INPP5D: variants seen among roughly 807,000 people sequenced by gnomAD.
INPP5D encodes the protein inositol polyphosphate-5-phosphatase D.
Under a neutral mutation model 122.9 loss-of-function variants are expected in INPP5D, and 33 were observed. The observed-to-expected ratio is 0.27, with a 90% CI of 0.20 to 0.36. The LOEUF (loss-of-function observed/expected upper bound fraction) is 0.36, where lower values mean the gene tolerates loss of function less well. INPP5D is among the 10% of genes least tolerant of loss of function. The pLI is 1.00. For missense variants in INPP5D, 1,053 were observed against 1,412.7 expected (o/e 0.75, Z 4.08); for synonymous variants, 584 against 576.2 (o/e 1.01, Z -0.19).
At chr2:233,096,271 T>G (rs1692137508) in intron 2 of INPP5D, among the ~76,000 whole-genome samples, 1 of 152,218 alleles carries the variant, frequency 6.6e-6, no homozygotes, top group African/African-American at 2.4e-5. Flanking sequence ...ATCTCAATTC[T>G]GGACATTACC....
At chr2:233,173,840 G>A (rs1694552968) in intron 17 of INPP5D, among the ~76,000 whole-genome samples, 1 of 152,178 alleles carries the variant, frequency 6.6e-6, no homozygotes, top group Non-Finnish European at 1.5e-5. Flanking sequence ...GACTGAGACA[G>A]GAGAATCGCT....
intron 26 of INPP5D, chr2:233,205,347 A>G (rs1460237340): frequency 2.2e-5 from 1 of 46,146 alleles, no homozygotes; most frequent in Non-Finnish European, 5.5e-5. Flanking sequence ...CCGTCTCAAA[A>G]AAAAAAAAAA....
rs1396996290 is a variant in INPP5D at position 233,177,321 on chromosome 2, G to T, written c.2046G>T (p.Leu682=). 1 of 1,613,770 alleles carries T rather than the reference G, an allele frequency of 6.2e-7. No homozygotes were observed. The change falls in exon 18 of 27, where the codon CTG becomes CTT. Residue 682 remains leucine (L), a synonymous_variant. Coordinates refer to ENST00000445964, the MANE Select transcript of INPP5D (RefSeq NM_001017915.3). The surrounding 1 kb of genome is among the most constrained non-coding windows in gnomAD (Gnocchi z 4.2). The stretch of plus-strand genomic sequence containing the variant: ...GAGTCCTCTGGAAGTCTTATCCCCT[G>T]GTGCACGTGGTGTGTCAGTCTTATG... ...CDRVLWKSYP[L]VHVVCQSYGS...
Position 233,204,254 on chromosome 2 carries a change from A to C in INPP5D, c.3104A>C (p.Lys1035Thr), listed in dbSNP as rs1225102276. Reference sequence around the variant, plus strand: ...TCCTTCCCTAAGCCTGCTCCCAGGAAGGACCAGGAATCCCCCAAAATGCCG... The same window carrying C: ...TCCTTCCCTAAGCCTGCTCCCAGGACGGACCAGGAATCCCCCAAAATGCCG... ...LSSFPKPAPR[K>T]DQESPKMPRK... Residue 1035 changes from lysine to threonine, a missense_variant, in exon 26 of 27, where the codon AAG becomes ACG. Lys to Thr is a moderately conservative substitution (Grantham distance 78). Around this residue, in one of 6 missense-constraint regions of INPP5D, gnomAD observed 417 missense variants for 425.8 expected, o/e 0.98. Transcript: ENST00000445964. The C allele has an allele frequency of 1.2e-6, 2 of 1,613,474 alleles. No homozygotes were observed. The highest frequency in any genetic ancestry group is 4.5e-5 in the East Asian group (2 of 44,870).
intron 1 of INPP5D, among the ~76,000 whole-genome samples, chr2:233,073,555 G>A (rs1223255044): frequency 2.0e-5 from 3 of 147,200 alleles, no homozygotes; most frequent in Non-Finnish European, 1.5e-5. Flanking sequence ...CAGGAGAACA[G>A]CTTGAACCTG....
chr2:233,081,083 G>A (rs1446830104), intron 2 of INPP5D, among the ~76,000 whole-genome samples: 6 of 152,200 alleles, frequency 3.9e-5, no homozygotes, highest in Admixed American at 2.6e-4. Context: ...TAGGGCGCCC[G>A]CAGGTTTGGC....
intron 5 of INPP5D, among the ~76,000 whole-genome samples, chr2:233,135,604 AATATTTAATATTTTAATATTTT>A (rs1693447509): frequency 6.7e-6 from 1 of 149,730 alleles, no homozygotes; most frequent in Non-Finnish European, 1.5e-5. Flanking sequence ...AATATTTTTA[AATATTTAATATTTTAATATTTT>A]ATATTTAATA....
At position 233,082,412 on chromosome 2, in the gene INPP5D, CCA is replaced by C. The variant is rs1315137616; in HGVS notation, c.198+3017_198+3018del. Among the ~76,000 whole-genome samples the C allele has an allele frequency of 6.6e-6, 1 of 152,164 alleles. No homozygotes were observed. Among genetic ancestry groups the C allele is most frequent in the African/African-American group, 2.4e-5 (1 of 41,444 alleles). On this transcript the variant is annotated intron_variant, in intron 2 of 26. Coordinates refer to ENST00000445964, the MANE Select transcript of INPP5D (RefSeq NM_001017915.3). This position sits in a 1 kb window ranked among gnomAD's most constrained non-coding sequence, Gnocchi z 4.7. ...ACCTCACAGTCTTTTCTGAGCTTAG[CCA>C]CAGTTTCTAAATAACTCATTCCTGA...
In INPP5D at chr2:233,158,256, C is replaced by T. The variant is rs138713068; in HGVS notation, c.1031-57C>T. 7.2e-3 allele frequency: 4,746 copies of T among 663,178 alleles called. 162 individuals are homozygous for T. In the African/African-American group the frequency reaches 0.073, roughly 10 times the overall value. The allele number at this position is 663,178 out of a possible 1,614,324, so 41.1% of individuals were successfully genotyped here. A position where few individuals can be genotyped will look rare whatever the true frequency, so the allele number is the denominator to read the frequency against. On this transcript the variant is annotated intron_variant, in intron 9 of 26. Coordinates refer to ENST00000445964, the MANE Select transcript of INPP5D (RefSeq NM_001017915.3). ...CAGGTGCCTGGAACATAATGGAGAC[C>T]GTCCATATTGGTTGAATGAGTGGAT...
intron 1 of INPP5D, among the ~76,000 whole-genome samples, chr2:233,073,812 A>G (rs918280994): frequency 2.6e-5 from 4 of 151,916 alleles, no homozygotes; most frequent in African/African-American, 9.7e-5. Context: ...CACTTTCTCC[A>G]ATCCATAGCT....
chr2:233,111,798 C>T (rs964338404), intron 2 of INPP5D, among the ~76,000 whole-genome samples: 4 of 152,130 alleles, frequency 2.6e-5, no homozygotes, highest in Non-Finnish European at 4.4e-5. Context: ...CAGTGGCTCA[C>T]GCCTGTGATC....
At chr2:233,119,305 G>C (rs1226060821) in intron 2 of INPP5D, among the ~76,000 whole-genome samples, 1 of 152,100 alleles carries the variant, frequency 6.6e-6, no homozygotes, top group African/African-American at 2.4e-5. Context: ...TGCTCTTAAT[G>C]GCTTGTCATC....
rs1559334058 is a variant in INPP5D, at chr2:233,173,548, ATATTT to A, written c.1989+2402_1989+2406del. On this transcript the variant is annotated intron_variant, in intron 17 of 26. Coordinates refer to ENST00000445964, the MANE Select transcript of INPP5D (RefSeq NM_001017915.3). ...AAACACATTGTACAGCTGTACAGAA[ATATTT>A]TATTTCTTTATATTCTTAATCTATA... is the stretch of plus-strand genomic sequence containing the variant. Among the ~76,000 whole-genome samples, 3 of 152,182 alleles carry A rather than the reference ATATTT, an allele frequency of 2.0e-5. 1 individual carries two copies. The highest frequency in any genetic ancestry group is 2.0e-4 in the Admixed American group (3 of 15,280).
intron 2 of INPP5D, among the ~76,000 whole-genome samples, chr2:233,086,119 C>CTCCTTTCTT (rs1691825925): frequency 1.1e-5 from 1 of 93,828 alleles, no homozygotes; most frequent in African/African-American, 4.0e-5. Flanking sequence ...ATAAGATAGC[C>CTCCTTTCTT]TCTTTCTTTC....
At chr2:233,146,855 C>T (rs140198150) in intron 8 of INPP5D, among the ~76,000 whole-genome samples, 20 of 152,220 alleles carry the variant, frequency 1.3e-4, no homozygotes, top group Non-Finnish European at 2.1e-4. Context: ...ACCCAAAATG[C>T]GTTCTTCTTT....
chr2:233,158,937 C>T (rs918222515), intron 10 of INPP5D, among the ~76,000 whole-genome samples: 5 of 152,274 alleles, frequency 3.3e-5, no homozygotes, highest in Non-Finnish European at 1.5e-5. Context: ...CACAGACACA[C>T]ACCACCAGCT....
intron 2 of INPP5D, among the ~76,000 whole-genome samples, chr2:233,091,984 A>T (rs1692005790): frequency 6.6e-6 from 1 of 152,232 alleles, no homozygotes; most frequent in South Asian, 2.1e-4. Context: ...TTGCAATACA[A>T]ACAAAGTGGG....
rs1043333289 is a variant in INPP5D, at chr2:233,105,727, C to T, written c.199-16380C>T. Among the ~76,000 whole-genome samples the T allele has an allele frequency of 1.1e-4, 16 of 152,252 alleles. No individual in the cohort carries two copies. The highest frequency in any genetic ancestry group is 3.6e-4 in the African/African-American group (15 of 41,546). On this transcript the variant is annotated intron_variant, in intron 2 of 26. Coordinates refer to ENST00000445964, the MANE Select transcript of INPP5D (RefSeq NM_001017915.3). The surrounding 1 kb of genome is among the most constrained non-coding windows in gnomAD (Gnocchi z 4.0). ...AGCCCTGCCCAGGGCAGCAGGTGAT[C>T]GTGGGGCGGATCTTGACGAGTAGCT...
rs1449823288 is a variant in INPP5D at position 233,182,441 on chromosome 2, C to T, written c.2103C>T (p.His701=). The T allele has an allele frequency of 6.2e-7, 1 of 1,613,874 alleles. No homozygotes were observed. The highest frequency in any genetic ancestry group is 8.5e-7 in the Non-Finnish European group (1 of 1,179,766). ...GSTSDIMTSD[H]SPVFATFEAG... ...CCAGCGACATCATGACGAGTGACCA[C>T]AGCCCTGTCTTTGCCACATTTGAGG... Residue 701 remains histidine (H), a synonymous_variant, in exon 19 of 27, where the codon CAC becomes CAT. Coordinates refer to ENST00000445964, the MANE Select transcript of INPP5D (RefSeq NM_001017915.3).
Sources: allele counts gnomAD v4.1 joint callset (sites outside exome capture counted in the v4.1 genomes callset), GRCh38; gene constraint gnomAD v4.1.1; regional missense constraint gnomAD v4.1.1; non-coding constraint Gnocchi (gnomAD v3.1); transcripts MANE v1.5; gene names NCBI Gene and HGNC (gene_info 2026-07-23, HGNC 2026-07-21).